Variants in NAV3 observed in about 807,000 individuals in gnomAD.
NAV3 encodes neuron navigator 3.
NAV3 carries 87 observed loss-of-function variants against 244.7 expected under a neutral mutation model. The observed-to-expected ratio is 0.36, with a 90% CI of 0.30 to 0.42. The LOEUF (loss-of-function observed/expected upper bound fraction) is 0.42. NAV3 is among the 20% of genes least tolerant of loss of function. The probability of loss-of-function intolerance (pLI) is 1.00; values close to 1 mark genes in which losing one functional copy is unlikely to be tolerated. For missense variants in NAV3, 2,663 were observed against 2,893.3 expected, an observed-to-expected ratio of 0.92 and a Z score of 1.83; for synonymous variants, 1,126 against 1,042.2, an observed-to-expected ratio of 1.08 and a Z score of -1.55.
intron 9 of NAV3, among the ~76,000 whole-genome samples, chr12:78,031,072 G>A (rs1323932828): frequency 6.6e-6 from 1 of 152,160 alleles, no homozygotes; most frequent in Non-Finnish European, 1.5e-5. Flanking sequence ...CAAGTGAAGT[G>A]GCCTTCATGA....
At chr12:77,868,228 AC>A (rs1268147662) in intron 1 of NAV3, among the ~76,000 whole-genome samples, 3 of 152,110 alleles carry the variant, frequency 2.0e-5, no homozygotes, top group Admixed American at 6.5e-5. Flanking sequence ...TAAAACAACA[AC>A]AACAACAACA....
chr12:78,136,253 T>C (rs1395349079), intron 18 of NAV3, among the ~76,000 whole-genome samples: 2 of 152,236 alleles, frequency 1.3e-5, no homozygotes, highest in Admixed American at 6.5e-5. Context: ...CCTGCCTGCT[T>C]TCTCATATAC....
chr12:77,766,753 T>G (rs916143170), intron 2 of NAV3, among the ~76,000 whole-genome samples: 16 of 121,156 alleles, frequency 1.3e-4, no homozygotes, highest in Admixed American at 5.1e-4. Flanking sequence ...TTTTTTTTTT[T>G]TTTTTTTTTT....
intron 11 of NAV3, chr12:78,056,199 C>G (rs1298890558): frequency 6.6e-6 from 1 of 152,156 alleles, no homozygotes; most frequent in East Asian, 1.9e-4. Flanking sequence ...GCGGAAGATG[C>G]TAAGATCTGA....
chr12:78,143,087 A>G (rs1193734353), intron 20 of NAV3, among the ~76,000 whole-genome samples: 1 of 152,180 alleles, frequency 6.6e-6, no homozygotes, highest in Non-Finnish European at 1.5e-5. Flanking sequence ...ATTATTTTTC[A>G]TGCCTTCTTA....
intron 2 of NAV3, among the ~76,000 whole-genome samples, chr12:77,732,891 G>A (rs1399478883): frequency 1.3e-5 from 2 of 152,044 alleles, no homozygotes; most frequent in Non-Finnish European, 2.9e-5. Flanking sequence ...CTGGAGCATA[G>A]ATGTATGATG....
chr12:77,822,918 T>G (rs1872807037), intron 2 of NAV3, among the ~76,000 whole-genome samples: 1 of 152,238 alleles, frequency 6.6e-6, no homozygotes, highest in South Asian at 2.1e-4. Context: ...CAGTTAATAA[T>G]TTGACTCTTT....
At chr12:77,836,563 A>C (rs1168650881) in intron 1 of NAV3, among the ~76,000 whole-genome samples, 2 of 152,144 alleles carry the variant, frequency 1.3e-5, no homozygotes, top group Non-Finnish European at 2.9e-5. Context: ...ATAAACAGAG[A>C]GAGTAGGAGT....
At chr12:77,741,354 T>G (rs1868332840) in intron 2 of NAV3, among the ~76,000 whole-genome samples, 1 of 152,108 alleles carries the variant, frequency 6.6e-6, no homozygotes, top group African/African-American at 2.4e-5. Flanking sequence ...TGAGGATTGG[T>G]ATTTAGATTG....
intron 2 of NAV3, among the ~76,000 whole-genome samples, chr12:77,761,162 G>A (rs1279967584): frequency 1.3e-5 from 2 of 152,114 alleles, no homozygotes; most frequent in African/African-American, 2.4e-5. Flanking sequence ...ACGTTCAAGC[G>A]ATTCTCCTGC....
chr12:77,625,544 C>T (rs1389080100), intron 2 of NAV3, among the ~76,000 whole-genome samples: 1 of 152,106 alleles, frequency 6.6e-6, no homozygotes, highest in African/African-American at 2.4e-5. Flanking sequence ...TGTGTCTTAA[C>T]TCATCCACAT....
intron 12 of NAV3, among the ~76,000 whole-genome samples, chr12:78,061,819 A>G (rs571204845): frequency 5.3e-5 from 8 of 152,244 alleles, no homozygotes; most frequent in Non-Finnish European, 1.2e-4. Context: ...GTTTACTAAA[A>G]AAAAAATTAC....
At chr12:77,965,413 G>A (rs1345063165) in intron 3 of NAV3, among the ~76,000 whole-genome samples, 1 of 152,050 alleles carries the variant, frequency 6.6e-6, no homozygotes, top group Non-Finnish European at 1.5e-5. Context: ...TGAGGTCAGT[G>A]GTTCGAGACC....
chr12:77,660,871 C>T (rs111487024), intron 2 of NAV3, among the ~76,000 whole-genome samples: 26 of 152,180 alleles, frequency 1.7e-4, no homozygotes, highest in Middle Eastern at 3.4e-3. Context: ...TGACTTGTTA[C>T]GCTCAGTGTA....
At chr12:77,830,264 A>C (rs987573537), upstream of NAV3, among the ~76,000 whole-genome samples, 2 of 152,160 alleles carry the variant, frequency 1.3e-5, no homozygotes, top group African/African-American at 4.8e-5. Context: ...CTTGAATAAC[A>C]GTGTTATTTT....
At chr12:77,684,708 G>T (rs937304594) in intron 2 of NAV3, among the ~76,000 whole-genome samples, 12 of 151,338 alleles carry the variant, frequency 7.9e-5, no homozygotes, top group East Asian at 5.8e-4. Flanking sequence ...TTTTTCTGAT[G>T]ATTCCTTTTT....
At chr12:77,798,250 G>A (rs1871529005) in intron 2 of NAV3, among the ~76,000 whole-genome samples, 1 of 152,038 alleles carries the variant, frequency 6.6e-6, no homozygotes, top group Non-Finnish European at 1.5e-5. Context: ...TGAGAAAGAA[G>A]CTTGATTCAG....
At chr12:77,670,737 T>C (rs1351589902) in intron 2 of NAV3, among the ~76,000 whole-genome samples, 3 of 151,990 alleles carry the variant, frequency 2.0e-5, no homozygotes, top group Non-Finnish European at 4.4e-5. Flanking sequence ...AAATCCAGCA[T>C]CCCATTATGA....
intron 12 of NAV3, among the ~76,000 whole-genome samples, chr12:78,071,814 A>G (rs1055006295): frequency 6.6e-6 from 1 of 152,178 alleles, no homozygotes; most frequent in African/African-American, 2.4e-5. Context: ...ATGTAAAAGA[A>G]CAGAAATTAT....
Sources: gnomAD v4.1 joint callset for allele counts (sites outside exome capture counted in the v4.1 genomes callset) on GRCh38, gnomAD v4.1.1 for gene constraint, MANE v1.5 for transcripts, NCBI Gene and HGNC (gene_info 2026-07-23, HGNC 2026-07-21) for gene names.